Variants in ZNF704 observed in about 807,000 individuals in gnomAD.
ZNF704 encodes the protein zinc finger protein 704.
In ZNF704, 10 loss-of-function variants were observed where a neutral mutation model predicts 44.7. The ratio of observed to expected loss-of-function variants is 0.22; its 90% CI spans 0.14 to 0.38. The LOEUF (loss-of-function observed/expected upper bound fraction) is 0.38, where lower values mean the gene tolerates loss of function less well. Among genes scored for constraint, ZNF704 ranks in the 10% least tolerant of loss-of-function variants. The pLI is 1.00. For missense variants in ZNF704, 390 were observed against 545.5 expected (o/e 0.71, Z 2.84); for synonymous variants, 211 against 207.6 (o/e 1.02, Z -0.14).
At chr8:80,852,819 TAGAA>T (rs959817225) in intron 1 of ZNF704, among the ~76,000 whole-genome samples, 8 of 152,174 alleles carry the variant, frequency 5.3e-5, no homozygotes, top group African/African-American at 1.7e-4. Context: ...TCAGAACTCC[TAGAA>T]AGAAATAATA....
chr8:80,772,815 T>C (rs1385523242), intron 2 of ZNF704, among the ~76,000 whole-genome samples: 1 of 152,236 alleles, frequency 6.6e-6, no homozygotes, highest in African/African-American at 2.4e-5. Flanking sequence ...TTTGCTTTTC[T>C]TTTATTGTAT....
chr8:80,852,842 G>A (rs994054121), intron 1 of ZNF704, among the ~76,000 whole-genome samples: 4 of 152,128 alleles, frequency 2.6e-5, no homozygotes, highest in Non-Finnish European at 5.9e-5. Context: ...TAATATTTAT[G>A]TTTTAGCCCC....
At chr8:80,707,828 T>G (rs558157117) in intron 2 of ZNF704, among the ~76,000 whole-genome samples, 2 of 152,338 alleles carry the variant, frequency 1.3e-5, no homozygotes, top group Non-Finnish European at 1.5e-5. Flanking sequence ...ATACTATTAA[T>G]TCAAGCAGGC....
chr8:80,741,652 T>A (rs1806758848), intron 2 of ZNF704, among the ~76,000 whole-genome samples: 1 of 152,204 alleles, frequency 6.6e-6, no homozygotes, highest in African/African-American at 2.4e-5. Context: ...TGCGCACTTG[T>A]GCAACTCTTA....
chr8:80,875,298 ATT>A (rs930615685), upstream of ZNF704, among the ~76,000 whole-genome samples: 1 of 151,722 alleles, frequency 6.6e-6, no homozygotes, highest in African/African-American at 2.4e-5. Context: ...TTTAATTTTT[ATT>A]TATATATATT....
At chr8:80,863,321 AG>A (rs1300555386) in intron 1 of ZNF704, among the ~76,000 whole-genome samples, 1 of 152,222 alleles carries the variant, frequency 6.6e-6, no homozygotes, top group Non-Finnish European at 1.5e-5. Flanking sequence ...ACTACATGAA[AG>A]CATTTATGAC....
chr8:80,679,218 C>T (rs766064592), intron 4 of ZNF704, among the ~76,000 whole-genome samples: 7 of 152,134 alleles, frequency 4.6e-5, no homozygotes, highest in Non-Finnish European at 1.0e-4. Flanking sequence ...TGATTTGTCT[C>T]TACATAGGCC....
intron 2 of ZNF704, among the ~76,000 whole-genome samples, chr8:80,707,207 A>G (rs1289508246): frequency 6.6e-6 from 1 of 152,234 alleles, no homozygotes; most frequent in Non-Finnish European, 1.5e-5. Context: ...TGCTGTTTGC[A>G]TGACCATCCC....
At chr8:80,867,024 T>C (rs1162601435) in intron 1 of ZNF704, among the ~76,000 whole-genome samples, 1 of 152,272 alleles carries the variant, frequency 6.6e-6, no homozygotes, top group East Asian at 1.9e-4. Flanking sequence ...CAACCAGTAG[T>C]AAAATGCTGG....
At chr8:80,675,391 T>A (rs567732857) in intron 4 of ZNF704, among the ~76,000 whole-genome samples, 65 of 152,214 alleles carry the variant, frequency 4.3e-4, no homozygotes, top group African/African-American at 1.5e-3. Context: ...CAGACAAAGG[T>A]AAGGAATTTG....
chr8:80,760,529 G>A (rs1266035836), intron 2 of ZNF704, among the ~76,000 whole-genome samples: 1 of 151,724 alleles, frequency 6.6e-6, no homozygotes, highest in Non-Finnish European at 1.5e-5. Context: ...GGTGGCATAC[G>A]CCTGTAGTCC....
In ZNF704 at chr8:80,646,527, A is replaced by G. The variant is rs549209607; in HGVS notation, c.1033-3398T>C. Among the ~76,000 whole-genome samples the G allele has an allele frequency of 3.9e-5, 6 of 152,222 alleles. 1 individual carries two copies. The highest frequency in any genetic ancestry group is 1.4e-4 in the African/African-American group (6 of 41,542). The stretch of plus-strand genomic sequence containing the variant: ...AAGTAAAAATCTAACATTTGGAACC[A>G]TTGTTGCCATGAGTTTGAACTATTC... On this transcript the variant is annotated intron_variant, in intron 7 of 8. Coordinates refer to ENST00000327835, the MANE Select transcript of ZNF704 (RefSeq NM_001033723.3).
upstream of ZNF704, among the ~76,000 whole-genome samples, chr8:80,876,756 C>A (rs571555613): frequency 4.6e-5 from 7 of 152,050 alleles, no homozygotes; most frequent in Non-Finnish European, 8.8e-5. Flanking sequence ...GGTTTATATG[C>A]GGGCTTATCA....
intron 2 of ZNF704, among the ~76,000 whole-genome samples, chr8:80,814,795 T>C (rs1489208431): frequency 6.6e-6 from 1 of 152,202 alleles, no homozygotes; most frequent in Non-Finnish European, 1.5e-5. Context: ...GTTTGTGACC[T>C]GAAAAGTTTT....
intron 4 of ZNF704, among the ~76,000 whole-genome samples, chr8:80,686,799 G>A (rs1200858603): frequency 6.6e-6 from 1 of 152,094 alleles, no homozygotes; most frequent in African/African-American, 2.4e-5. Flanking sequence ...GCATAAAAAT[G>A]AGATACAAAA....
chr8:80,730,360 A>C (rs2131679946), intron 2 of ZNF704, among the ~76,000 whole-genome samples: 1 of 152,064 alleles, frequency 6.6e-6, no homozygotes, highest in South Asian at 2.1e-4. Context: ...CAACATGGTG[A>C]AATGCCATCT....
intron 1 of ZNF704, among the ~76,000 whole-genome samples, chr8:80,873,907 C>A (rs1464764145): frequency 6.9e-6 from 1 of 145,880 alleles, no homozygotes; most frequent in African/African-American, 2.5e-5. Context: ...GCGCCGGGGC[C>A]GGGCCCGGGA....
chr8:80,723,369 C>T (rs1806407786), intron 2 of ZNF704, among the ~76,000 whole-genome samples: 1 of 151,876 alleles, frequency 6.6e-6, no homozygotes, highest in East Asian at 1.9e-4. Flanking sequence ...AACGTTAAAC[C>T]GTCAGGATTA....
chr8:80,763,988 G>A (rs1261540374), intron 2 of ZNF704, among the ~76,000 whole-genome samples: 1 of 152,152 alleles, frequency 6.6e-6, no homozygotes, highest in African/African-American at 2.4e-5. Flanking sequence ...ACCTCAGCCT[G>A]GACTTCATTG....
Sources: gnomAD v4.1 joint callset for allele counts (sites outside exome capture counted in the v4.1 genomes callset) on GRCh38, gnomAD v4.1.1 for gene constraint, MANE v1.5 for transcripts, NCBI Gene and HGNC (gene_info 2026-07-23, HGNC 2026-07-21) for gene names.